WDR70: variants seen among roughly 807,000 people sequenced by gnomAD.
The protein encoded by WDR70 is WD repeat domain 70, also known as WD repeat-containing protein 70.
A neutral mutation model predicts 88.6 loss-of-function variants in WDR70; 53 were observed. That is an observed-to-expected ratio of 0.60 (90% CI 0.48 to 0.75). WDR70 has a LOEUF of 0.75. Among genes scored for constraint, WDR70 ranks in the 30% least tolerant of loss-of-function variants. WDR70 has a pLI of 0.00. For synonymous variants in WDR70, 280 were observed against 270.0 expected, an observed-to-expected ratio of 1.04 and a Z score of -0.36; for missense variants, 610 against 823.2, an observed-to-expected ratio of 0.74 and a Z score of 3.17.
chr5:37,481,487 C>T (rs1214182322), intron 8 of WDR70, among the ~76,000 whole-genome samples: 2 of 152,072 alleles, frequency 1.3e-5, no homozygotes, highest in Non-Finnish European at 1.5e-5. Context: ...GGACTTGCAC[C>T]CTCTGAAGCC....
intron 17 of WDR70, among the ~76,000 whole-genome samples, chr5:37,732,596 G>C (rs1748178244): frequency 6.6e-6 from 1 of 151,874 alleles, no homozygotes; most frequent in African/African-American, 2.4e-5. Flanking sequence ...TAATTTTTTA[G>C]CATCTGTTCT....
chr5:37,521,054 A>G (rs113355814), intron 9 of WDR70, among the ~76,000 whole-genome samples: 19 of 151,910 alleles, frequency 1.3e-4, no homozygotes, highest in Admixed American at 2.6e-4. Flanking sequence ...TTAACCACAG[A>G]GGACCTGGGC....
chr5:37,616,265 C>T (rs748013846), intron 10 of WDR70, among the ~76,000 whole-genome samples: 12 of 152,098 alleles, frequency 7.9e-5, no homozygotes, highest in South Asian at 2.1e-4. Context: ...TACAGTCGCG[C>T]GCCACCATGC....
intron 13 of WDR70, among the ~76,000 whole-genome samples, chr5:37,713,637 A>G (rs1747577247): frequency 6.6e-6 from 1 of 151,912 alleles, no homozygotes; most frequent in Admixed American, 6.6e-5. Flanking sequence ...ATACTTATTC[A>G]CTAGGGAGAA....
intron 7 of WDR70, among the ~76,000 whole-genome samples, chr5:37,459,110 G>GCCGCATATCTACAAC (rs1435352230): frequency 3.5e-4 from 21 of 60,658 alleles, no homozygotes; most frequent in South Asian, 6.8e-4. Context: ...GGAGCAGGTT[G>GCCGCATATCTACAAC]TTCAGTTTCC....
At chr5:37,543,264 G>A (rs1245239430) in intron 9 of WDR70, among the ~76,000 whole-genome samples, 1 of 152,138 alleles carries the variant, frequency 6.6e-6, no homozygotes, top group African/African-American at 2.4e-5. Flanking sequence ...AATGATATAT[G>A]ATGGTTATGT....
At chr5:37,475,100 A>G (rs1374552252) in intron 7 of WDR70, among the ~76,000 whole-genome samples, 2 of 149,844 alleles carry the variant, frequency 1.3e-5, no homozygotes. Flanking sequence ...TTGTATTTTT[A>G]GTAGAGATGG....
At chr5:37,593,197 G>A (rs952000954) in intron 9 of WDR70, among the ~76,000 whole-genome samples, 7 of 152,040 alleles carry the variant, frequency 4.6e-5, no homozygotes, top group Admixed American at 1.3e-4. Context: ...TAGGGTACAC[G>A]TGCACAACGT....
chr5:37,729,914 C>A (rs1423667884), intron 17 of WDR70, among the ~76,000 whole-genome samples: 1 of 152,240 alleles, frequency 6.6e-6, no homozygotes, highest in East Asian at 1.9e-4. Flanking sequence ...TTCCTATCCA[C>A]CCCTTGTAGC....
chr5:37,668,958 G>A (rs1404332102), intron 10 of WDR70, among the ~76,000 whole-genome samples: 1 of 152,146 alleles, frequency 6.6e-6, no homozygotes, highest in East Asian at 1.9e-4. Context: ...TTCCACCCTG[G>A]TTGTAAATGC....
intron 10 of WDR70, among the ~76,000 whole-genome samples, chr5:37,686,993 A>G (rs933615129): frequency 6.8e-6 from 1 of 146,732 alleles, no homozygotes; most frequent in Non-Finnish European, 1.5e-5. Flanking sequence ...ATAAGCCTAT[A>G]TAAGGTAGTT....
intron 5 of WDR70, among the ~76,000 whole-genome samples, chr5:37,414,144 C>CAAAAAAAA (rs59026349): frequency 3.2e-5 from 3 of 94,088 alleles, no homozygotes; most frequent in Non-Finnish European, 6.3e-5. Flanking sequence ...AACTCTGTCT[C>CAAAAAAAA]AAAAAAAAAA....
chr5:37,735,629 TA>T (rs1439115157), intron 17 of WDR70, among the ~76,000 whole-genome samples: 35 of 152,172 alleles, frequency 2.3e-4, no homozygotes, highest in African/African-American at 8.4e-4. Flanking sequence ...TGTAATTTGT[TA>T]GCTAGGATTG....
intron 7 of WDR70, among the ~76,000 whole-genome samples, chr5:37,456,917 T>C (rs1246445121): frequency 2.6e-5 from 4 of 152,086 alleles, no homozygotes; most frequent in South Asian, 4.1e-4. Context: ...GAAATACAAA[T>C]AGTCAATAAA....
intron 6 of WDR70, among the ~76,000 whole-genome samples, chr5:37,438,485 TAA>T (rs1347155585): frequency 6.6e-6 from 1 of 152,122 alleles, no homozygotes; most frequent in African/African-American, 2.4e-5. Context: ...CTAAAATATT[TAA>T]AGATGAATAA....
At chr5:37,635,425 G>A (rs1435752000) in intron 10 of WDR70, among the ~76,000 whole-genome samples, 2 of 152,182 alleles carry the variant, frequency 1.3e-5, no homozygotes, top group African/African-American at 4.8e-5. Context: ...TCTGTAAAAT[G>A]AGTAGATTGG....
At chr5:37,383,684 A>G (rs1187658063) in intron 3 of WDR70, among the ~76,000 whole-genome samples, 1 of 151,900 alleles carries the variant, frequency 6.6e-6, no homozygotes, top group Non-Finnish European at 1.5e-5. Context: ...GGTTCATGCC[A>G]TTCTCCCGCC....
chr5:37,444,192 A>C (rs915648466), intron 7 of WDR70, among the ~76,000 whole-genome samples: 1 of 151,986 alleles, frequency 6.6e-6, no homozygotes, highest in Non-Finnish European at 1.5e-5. Context: ...GTTTTAAAAC[A>C]TTCCAATTAA....
Position 37,574,574 on chromosome 5 carries a change from TC to T in WDR70, c.918-30489del. Among the ~76,000 whole-genome samples the T allele has an allele frequency of 2.0e-5, 3 of 152,308 alleles. 1 individual carries two copies. Among genetic ancestry groups the T allele is most frequent in the Admixed American group, 2.0e-4 (3 of 15,292 alleles). ...TAAGTCCTGTGGTTTAAATCCCATT[TC>T]TGTGCCTCAATCCTTTACATCTCTA... is the stretch of plus-strand genomic sequence containing the variant. On this transcript the variant is annotated intron_variant, in intron 9 of 17. Coordinates refer to ENST00000265107, the MANE Select transcript of WDR70 (RefSeq NM_018034.4).
Sources: gnomAD v4.1 joint callset for allele counts (sites outside exome capture counted in the v4.1 genomes callset) on GRCh38, gnomAD v4.1.1 for gene constraint, MANE v1.5 for transcripts, NCBI Gene and HGNC (gene_info 2026-07-23, HGNC 2026-07-21) for gene names.